CPAP: variants seen among roughly 807,000 people sequenced by gnomAD.
CPAP encodes centrosome assembly and centriole elongation protein.
At chr13:24,886,446 T>G in the CPAP span, 2 of 944,246 alleles carry the variant, frequency 2.1e-6, no homozygotes, top group East Asian at 6.1e-5. Context: ...GGTCCCAAAC[T>G]GCCACACATC....
chr13:24,892,816 T>C, the CPAP span: 1 of 1,613,542 alleles, frequency 6.2e-7, no homozygotes. Context: ...GACCATTTGG[T>C]TTCCTTTCTT....
At chr13:24,891,489 G>A in the CPAP span, among the ~76,000 whole-genome samples, 1 of 152,148 alleles carries the variant, frequency 6.6e-6, no homozygotes, top group East Asian at 1.9e-4. Flanking sequence ...CTCCTAGTCA[G>A]TGGGACCTTC....
the CPAP span, chr13:24,905,744 C>T: frequency 8.7e-6 from 14 of 1,614,194 alleles, no homozygotes; most frequent in African/African-American, 8.0e-5. Flanking sequence ...AGACTCATCG[C>T]TACTGTAATC....
At chr13:24,894,182 G>C in the CPAP span, among the ~76,000 whole-genome samples, 1 of 152,196 alleles carries the variant, frequency 6.6e-6, no homozygotes, top group Non-Finnish European at 1.5e-5. Flanking sequence ...AGGGACTGAG[G>C]TTCTTGGAGG....
chr13:24,899,908 G>C, the CPAP span, among the ~76,000 whole-genome samples: 3 of 151,802 alleles, frequency 2.0e-5, no homozygotes, highest in African/African-American at 7.3e-5. Flanking sequence ...GTTATAATGA[G>C]CTGTGATCGC....
At chr13:24,902,073 C>A in the CPAP span, among the ~76,000 whole-genome samples, 5 of 152,158 alleles carry the variant, frequency 3.3e-5, no homozygotes, top group South Asian at 8.3e-4. Flanking sequence ...ACTGCCTAGG[C>A]TGGCACTGAG....
At chr13:24,913,344 A>G in the CPAP span, among the ~76,000 whole-genome samples, 1 of 152,132 alleles carries the variant, frequency 6.6e-6, no homozygotes, top group South Asian at 2.1e-4. Flanking sequence ...CAAGTGCTAG[A>G]TTAGCTGAAC....
chr13:24,910,930 T>C, the CPAP span, among the ~76,000 whole-genome samples: 1 of 152,304 alleles, frequency 6.6e-6, no homozygotes, highest in South Asian at 2.1e-4. Context: ...ACACCCCACC[T>C]GACCCCTGCA....
chr13:24,892,607 C>A, the CPAP span: 1 of 1,523,504 alleles, frequency 6.6e-7, no homozygotes, highest in Non-Finnish European at 9.1e-7. Context: ...TGAAGCTCCC[C>A]CTGGCCTGAC....
chr13:24,903,746 C>T, the CPAP span, among the ~76,000 whole-genome samples: 1 of 152,178 alleles, frequency 6.6e-6, no homozygotes, highest in Admixed American at 6.5e-5. Context: ...CCTTTGTACA[C>T]ATCATTGACT....
chr13:24,882,388 C>T, the CPAP span: 1 of 151,814 alleles, frequency 6.6e-6, no homozygotes, highest in Non-Finnish European at 1.5e-5. Flanking sequence ...CTATCTAGAC[C>T]AATCTGTAAT....
the CPAP span, among the ~76,000 whole-genome samples, chr13:24,918,678 T>C: frequency 6.6e-6 from 1 of 152,252 alleles, no homozygotes; most frequent in Non-Finnish European, 1.5e-5. Flanking sequence ...TCAGACTTCA[T>C]TTATGTTTTG....
At chr13:24,889,350 T>C in the CPAP span, 2 of 1,612,486 alleles carry the variant, frequency 1.2e-6, no homozygotes, top group South Asian at 1.1e-5. Context: ...TGTATTTTTC[T>C]ACCTGGGTTC....
At chr13:24,882,876 T>C in the CPAP span, 1 of 322,886 alleles carries the variant, frequency 3.1e-6, no homozygotes, top group Admixed American at 5.0e-5. Context: ...ACTTCTTGGT[T>C]TTTTTTTATA....
At chr13:24,883,216 C>CTT in the CPAP span, 28 of 1,613,926 alleles carry the variant, frequency 1.7e-5, no homozygotes, top group Non-Finnish European at 5.1e-6. Context: ...CCTCCTTGTC[C>CTT]TTAACTCTTA....
the CPAP span, chr13:24,912,838 T>A: frequency 6.2e-7 from 1 of 1,614,212 alleles, no homozygotes; most frequent in Non-Finnish European, 8.5e-7. Context: ...GCTGAAGCTA[T>A]CAGAAAAATG....
chr13:24,919,133 CTG>C, the CPAP span, among the ~76,000 whole-genome samples: 1 of 152,074 alleles, frequency 6.6e-6, no homozygotes, highest in South Asian at 2.1e-4. Flanking sequence ...TGTTAGAACA[CTG>C]TGAGATTTAA....
the CPAP span, among the ~76,000 whole-genome samples, chr13:24,891,770 C>T: frequency 1.4e-4 from 21 of 152,262 alleles, no homozygotes; most frequent in African/African-American, 4.6e-4. Context: ...TCAAAAAATG[C>T]CCATGTGCAT....
chr13:24,900,047 T>C, the CPAP span, among the ~76,000 whole-genome samples: 1 of 151,526 alleles, frequency 6.6e-6, no homozygotes, highest in Non-Finnish European at 1.5e-5. Context: ...ACATGGAATA[T>C]TAGAAGCATT....
Sources: gnomAD v4.1 joint callset for allele counts (sites outside exome capture counted in the v4.1 genomes callset) on GRCh38, gnomAD v4.1.1 for gene constraint, MANE v1.5 for transcripts, NCBI Gene and HGNC (gene_info 2026-07-23, HGNC 2026-07-21) for gene names.